The following AMPH variants were observed in gnomAD, a reference collection of about 807,000 sequenced individuals.
The protein encoded by AMPH is amphiphysin (Stiff-Mann syndrome with breast cancer 128kD autoantigen).
AMPH carries 49 observed loss-of-function variants against 99.1 expected under a neutral mutation model. The ratio of observed to expected loss-of-function variants is 0.49; its 90% confidence interval spans 0.39 to 0.63. The LOEUF (loss-of-function observed/expected upper bound fraction) is 0.63. AMPH is among the 20% of genes least tolerant of loss of function. The probability of loss-of-function intolerance (pLI) is 0.00; values close to 1 mark genes in which losing one functional copy is unlikely to be tolerated. For synonymous variants in AMPH, 314 were observed against 317.3 expected, an observed-to-expected ratio of 0.99 and a Z score of 0.11; for missense variants, 759 against 863.4, an observed-to-expected ratio of 0.88 and a Z score of 1.52.
chr7:38,627,905 G>T (rs1411567659), intron 1 of AMPH, among the ~76,000 whole-genome samples: 4 of 152,188 alleles, frequency 2.6e-5, no homozygotes, highest in African/African-American at 9.6e-5. Context: ...TGAGCTTTCT[G>T]ACACCTGCAT....
intron 10 of AMPH, among the ~76,000 whole-genome samples, chr7:38,462,356 C>T (rs1787481486): frequency 6.6e-6 from 1 of 152,164 alleles, no homozygotes; most frequent in African/African-American, 2.4e-5. Flanking sequence ...AGCATCTGTA[C>T]AAGAAAGCTT....
At chr7:38,614,027 A>C (rs1181560322) in intron 1 of AMPH, among the ~76,000 whole-genome samples, 2 of 152,110 alleles carry the variant, frequency 1.3e-5, no homozygotes, top group Non-Finnish European at 2.9e-5. Context: ...ATCCACATCC[A>C]AAGACCGGGA....
intron 2 of AMPH, 39 bp from the exon 3 acceptor site, chr7:38,503,743 T>C (rs766307980): frequency 6.3e-7 from 1 of 1,598,994 alleles, no homozygotes; most frequent in Non-Finnish European, 8.6e-7. Context: ...ATCTAGTCTA[T>C]ATTCTGCATG....
intron 17 of AMPH, among the ~76,000 whole-genome samples, chr7:38,407,885 T>C (rs1785097019): frequency 6.6e-6 from 1 of 152,210 alleles, no homozygotes; most frequent in South Asian, 2.1e-4. Flanking sequence ...TTCTGATTCA[T>C]AAGCAGGTTT....
intron 17 of AMPH, among the ~76,000 whole-genome samples, chr7:38,405,841 T>C (rs1784970541): frequency 6.6e-6 from 1 of 152,160 alleles, no homozygotes; most frequent in Non-Finnish European, 1.5e-5. Flanking sequence ...ACAGAAACTC[T>C]GGACATAAAT....
chr7:38,390,646 G>T lies in AMPH; in HGVS notation c.1879-741C>A, dbSNP rs80307914. On this transcript the variant is annotated intron_variant, in intron 19 of 20. Transcript: ENST00000356264. ...TCACAAGCTGTCAGAGCTGGAAATG[G>T]ATTATGTTATCCCTAAATTAATTTT... 4.5e-3 allele frequency among the ~76,000 whole-genome samples: 682 copies of T among 152,204 alleles called. 9 individuals are homozygous for T. The highest frequency in any genetic ancestry group is 0.015 in the African/African-American group (640 of 41,520).
chr7:38,584,343 T>C (rs1478816515), intron 1 of AMPH, among the ~76,000 whole-genome samples: 2 of 152,198 alleles, frequency 1.3e-5, no homozygotes, highest in Admixed American at 1.3e-4. Context: ...GCCCTGGTAG[T>C]AGGAAGTTTT....
At chr7:38,449,008 G>T (rs780895090) in intron 11 of AMPH, among the ~76,000 whole-genome samples, 4 of 152,142 alleles carry the variant, frequency 2.6e-5, no homozygotes, top group Non-Finnish European at 5.9e-5. Context: ...ACAGTCATGA[G>T]AATAGAGTCA....
At chr7:38,564,323 C>T (rs558877716) in intron 1 of AMPH, among the ~76,000 whole-genome samples, 1 of 152,266 alleles carries the variant, frequency 6.6e-6, no homozygotes, top group African/African-American at 2.4e-5. Flanking sequence ...CAGACTGTGA[C>T]CCACTTGCAG....
chr7:38,591,855 C>T (rs17171408), intron 1 of AMPH, among the ~76,000 whole-genome samples: 3,391 of 152,262 alleles, frequency 0.022, 92 homozygotes, highest in East Asian at 0.084. Context: ...TGATGTCTTT[C>T]GCTGCACATA....
At chr7:38,493,320 G>A (rs926290651) in intron 4 of AMPH, among the ~76,000 whole-genome samples, 10 of 152,116 alleles carry the variant, frequency 6.6e-5, no homozygotes, top group African/African-American at 1.7e-4. Context: ...ACTGCTCTTC[G>A]TTTTAACAAA....
At chr7:38,499,237 T>A (rs1309740746) in intron 3 of AMPH, among the ~76,000 whole-genome samples, 1 of 152,208 alleles carries the variant, frequency 6.6e-6, no homozygotes, top group Non-Finnish European at 1.5e-5. Context: ...GCAGGCACTA[T>A]GTCTTGTTCA....
chr7:38,434,839 T>C (rs571261505), intron 12 of AMPH, among the ~76,000 whole-genome samples: 259 of 152,276 alleles, frequency 1.7e-3, no homozygotes, highest in South Asian at 3.7e-3. Flanking sequence ...GAAGGAAGTA[T>C]ATTCAATTAT....
chr7:38,596,991 C>G (rs999531442), intron 1 of AMPH, among the ~76,000 whole-genome samples: 3 of 152,170 alleles, frequency 2.0e-5, no homozygotes, highest in Non-Finnish European at 4.4e-5. Context: ...GCCGCCCGGC[C>G]CATAGCAACA....
At chr7:38,599,167 G>A (rs1376523485) in intron 1 of AMPH, among the ~76,000 whole-genome samples, 1 of 152,128 alleles carries the variant, frequency 6.6e-6, no homozygotes, top group African/African-American at 2.4e-5. Context: ...GAGAGAATGT[G>A]GTCTATGTGA....
chr7:38,587,567 A>G (rs1292044436), intron 1 of AMPH, among the ~76,000 whole-genome samples: 1 of 152,230 alleles, frequency 6.6e-6, no homozygotes, highest in Non-Finnish European at 1.5e-5. Context: ...AACCTAAGAT[A>G]TTCACAGGGG....
intron 12 of AMPH, among the ~76,000 whole-genome samples, chr7:38,433,361 T>C (rs1447685296): frequency 6.6e-6 from 1 of 152,206 alleles, no homozygotes; most frequent in African/African-American, 2.4e-5. Context: ...CAGTTTTTTG[T>C]ACATGGATCT....
In AMPH at chr7:38,486,257, T is replaced by C. The variant is rs191776454; in HGVS notation, c.396+4793A>G. Among the ~76,000 whole-genome samples the C allele has an allele frequency of 2.6e-3, 392 of 150,448 alleles. 1 individual carries two copies. Among genetic ancestry groups the C allele is most frequent in the African/African-American group, 9.3e-3 (383 of 41,046 alleles). ...ATAAAATCAGAAATGAAAGGTGATATATTACAACTGATGCCATAGAAATAA... is the reference window on the plus strand; with the variant it reads ...ATAAAATCAGAAATGAAAGGTGATACATTACAACTGATGCCATAGAAATAA... On this transcript the variant is annotated intron_variant, in intron 5 of 20. Coordinates refer to ENST00000356264, the MANE Select transcript of AMPH (RefSeq NM_001635.4).
chr7:38,547,075 G>C (rs1157456789), intron 1 of AMPH, among the ~76,000 whole-genome samples: 1 of 152,144 alleles, frequency 6.6e-6, no homozygotes, highest in Non-Finnish European at 1.5e-5. Context: ...GCCACCACCA[G>C]CAGCCATCTC....
Sources: allele counts gnomAD v4.1 joint callset (sites outside exome capture counted in the v4.1 genomes callset), GRCh38; gene constraint gnomAD v4.1.1; transcripts MANE v1.5; gene names NCBI Gene and HGNC (gene_info 2026-07-23, HGNC 2026-07-21).